The following NRIP1 variants were observed in gnomAD, a reference collection of about 807,000 sequenced individuals.
NRIP1 encodes the protein nuclear receptor-interacting protein 1.
Under a neutral mutation model 75.0 loss-of-function variants are expected in NRIP1, and 28 were observed. The observed-to-expected ratio is 0.37, with a 90% CI of 0.28 to 0.51. NRIP1 has a LOEUF of 0.51. Ranked by LOEUF, NRIP1 falls within the 20% of genes least tolerant of loss-of-function variation. The pLI, the probability that NRIP1 is intolerant of heterozygous loss-of-function variation, is 0.92. For missense variants in NRIP1, 1,435 were observed against 1,343.7 expected (o/e 1.07, Z -1.06); for synonymous variants, 526 against 487.6 (o/e 1.08, Z -1.04).
chr21:15,042,788 T>C (rs1383805715), intron 2 of NRIP1, among the ~76,000 whole-genome samples: 6 of 152,206 alleles, frequency 3.9e-5, no homozygotes. Flanking sequence ...CTCCCATCTA[T>C]GGTATTTGTT....
chr21:15,017,213 A>G (rs2088255550), intron 2 of NRIP1, among the ~76,000 whole-genome samples: 1 of 152,164 alleles, frequency 6.6e-6, no homozygotes, highest in African/African-American at 2.4e-5. Context: ...GAGGAACATT[A>G]CTATTATCAT....
At chr21:14,987,716 T>C (rs2087447026) in intron 3 of NRIP1, among the ~76,000 whole-genome samples, 1 of 152,180 alleles carries the variant, frequency 6.6e-6, no homozygotes. Flanking sequence ...CCCTGCTTTA[T>C]CACAGGTGCT....
chr21:15,050,737 G>C, intron 1 of NRIP1: 1 of 455,978 alleles, frequency 2.2e-6, no homozygotes. Context: ...TTTCTGGCTG[G>C]GAAGAGATTG....
chr21:15,002,914 GTA>G (rs2087881855), intron 3 of NRIP1, among the ~76,000 whole-genome samples: 1 of 152,092 alleles, frequency 6.6e-6, no homozygotes, highest in South Asian at 2.1e-4. Context: ...GTATCTTGAA[GTA>G]TTTACATTAT....
chr21:15,006,900 G>A (rs187154708), intron 3 of NRIP1, among the ~76,000 whole-genome samples: 75 of 152,350 alleles, frequency 4.9e-4, no homozygotes, highest in Admixed American at 3.1e-3. Flanking sequence ...TAGGAACACA[G>A]ATAGGCTGTA....
chr21:15,054,673 A>G (rs1049910855), intron 1 of NRIP1, among the ~76,000 whole-genome samples: 6 of 152,226 alleles, frequency 3.9e-5, no homozygotes, highest in African/African-American at 1.4e-4. Context: ...TGCTATGCAT[A>G]AATACATAAA....
intron 3 of NRIP1, among the ~76,000 whole-genome samples, chr21:14,996,663 T>C (rs2087735531): frequency 6.6e-6 from 1 of 152,160 alleles, no homozygotes; most frequent in Non-Finnish European, 1.5e-5. Flanking sequence ...ACTATAACTA[T>C]TGCTCCATGA....
At chr21:15,019,800 C>A (rs947037053) in intron 2 of NRIP1, among the ~76,000 whole-genome samples, 1 of 151,920 alleles carries the variant, frequency 6.6e-6, no homozygotes, top group African/African-American at 2.4e-5. Flanking sequence ...TAAATTTATT[C>A]TTAAGCTTTA....
At chr21:14,995,877 T>C (rs73172314) in intron 3 of NRIP1, among the ~76,000 whole-genome samples, 43 of 152,280 alleles carry the variant, frequency 2.8e-4, no homozygotes, top group Middle Eastern at 6.8e-3. Flanking sequence ...ATCTCTTGGC[T>C]AAAAACTCAT....
At chr21:15,002,861 AG>A (rs2087880413) in intron 3 of NRIP1, among the ~76,000 whole-genome samples, 1 of 152,228 alleles carries the variant, frequency 6.6e-6, no homozygotes, top group East Asian at 1.9e-4. Flanking sequence ...TACCAAGAAA[AG>A]TATGTGCATT....
chr21:15,001,925 C>T (rs2087857928), intron 3 of NRIP1, among the ~76,000 whole-genome samples: 1 of 152,078 alleles, frequency 6.6e-6, no homozygotes, highest in Non-Finnish European at 1.5e-5. Context: ...GATTTAGTGC[C>T]TCAGAACACT....
intron 2 of NRIP1, among the ~76,000 whole-genome samples, chr21:15,016,667 G>A (rs2088237488): frequency 1.3e-5 from 2 of 152,256 alleles, no homozygotes; most frequent in East Asian, 3.9e-4. Context: ...GGCAGATCAT[G>A]AGGTCTGGAG....
intron 2 of NRIP1, among the ~76,000 whole-genome samples, chr21:15,021,712 AC>A (rs71330102): frequency 0.11 from 17,148 of 152,148 alleles, 1,798 homozygotes; most frequent in African/African-American, 0.28. Context: ...AAGAAAAAAA[AC>A]ATTAAAAGGT....
At chr21:15,010,938 G>C (rs2147158034) in intron 3 of NRIP1, among the ~76,000 whole-genome samples, 1 of 152,314 alleles carries the variant, frequency 6.6e-6, no homozygotes, top group Non-Finnish European at 1.5e-5. Context: ...AAACACTAGT[G>C]AGAAGGCCAA....
intron 2 of NRIP1, among the ~76,000 whole-genome samples, chr21:15,014,928 T>G (rs2088190857): frequency 6.6e-6 from 1 of 151,414 alleles, no homozygotes; most frequent in Non-Finnish European, 1.5e-5. Context: ...TGGTAATAAA[T>G]ATCAAATGCC....
In NRIP1 at chr21:15,051,043, G is replaced by A. The variant is rs1163907022; in HGVS notation, c.-537-7469C>T. 1.8e-5 allele frequency: 7 copies of A among 384,326 alleles called. No homozygotes were observed. The East Asian group carries it at 2.2e-4, about 12-fold the overall frequency. 23.8% of individuals were successfully genotyped at this position (384,326 alleles called of 1,614,324 possible). A position where few individuals can be genotyped will look rare whatever the true frequency, so the allele number is the denominator to read the frequency against. ...TAGCGAATCCTAAACTTGGTTACCC[G>A]CCCTGCCTTGCCTTTCCCACAGATA... On this transcript the variant is annotated intron_variant, in intron 1 of 3. Coordinates refer to ENST00000318948, the MANE Select transcript of NRIP1 (RefSeq NM_003489.4).
chr21:15,031,283 G>A (rs1258112301), intron 2 of NRIP1, among the ~76,000 whole-genome samples: 4 of 144,234 alleles, frequency 2.8e-5, no homozygotes, highest in Non-Finnish European at 6.1e-5. Flanking sequence ...ATACACTCTG[G>A]AAGGCGGTTG....
intron 3 of NRIP1, among the ~76,000 whole-genome samples, chr21:14,984,126 G>A (rs2147032838): frequency 6.6e-6 from 1 of 152,234 alleles, no homozygotes; most frequent in Admixed American, 6.5e-5. Flanking sequence ...AGAGTCAACT[G>A]AAAAGCTTCT....
chr21:15,021,693 T>A (rs2088379805), intron 2 of NRIP1, among the ~76,000 whole-genome samples: 1 of 149,806 alleles, frequency 6.7e-6, no homozygotes, highest in Non-Finnish European at 1.5e-5. Context: ...AGAGTTTAAA[T>A]AAATTTACAA....
Sources: allele counts gnomAD v4.1 joint callset (sites outside exome capture counted in the v4.1 genomes callset), GRCh38; gene constraint gnomAD v4.1.1; transcripts MANE v1.5; gene names NCBI Gene and HGNC (gene_info 2026-07-23, HGNC 2026-07-21).